The following SPAG16 variants were observed in gnomAD, a reference collection of about 807,000 sequenced individuals.
The protein encoded by SPAG16 is sperm associated antigen 16.
Under a neutral mutation model 80.4 loss-of-function variants are expected in SPAG16, and 86 were observed. That is an observed-to-expected ratio of 1.07 (90% CI 0.90 to 1.28). SPAG16 has a LOEUF of 1.28. SPAG16 is among the 50% of genes most tolerant of loss of function. The pLI, the probability that SPAG16 is intolerant of heterozygous loss-of-function variation, is 0.00. For missense variants in SPAG16, 870 were observed against 765.3 expected (o/e 1.14, Z -1.61); for synonymous variants, 294 against 265.9 (o/e 1.11, Z -1.03).
At chr2:214,197,796 A>T (rs572130971) in intron 15 of SPAG16, among the ~76,000 whole-genome samples, 14 of 151,982 alleles carry the variant, frequency 9.2e-5, no homozygotes, top group Middle Eastern at 3.4e-3. Context: ...TGTGTTTTTT[A>T]TATGTGTTTT....
At chr2:213,517,104 T>C (rs2125834119) in intron 10 of SPAG16, among the ~76,000 whole-genome samples, 1 of 152,254 alleles carries the variant, frequency 6.6e-6, no homozygotes, top group South Asian at 2.1e-4. Flanking sequence ...GATAAGTAAT[T>C]TTAGGAAGAT....
At chr2:213,719,681 G>A (rs1204106284) in intron 10 of SPAG16, among the ~76,000 whole-genome samples, 1 of 152,138 alleles carries the variant, frequency 6.6e-6, no homozygotes, top group East Asian at 1.9e-4. Flanking sequence ...AAAAAGTCAG[G>A]AAACAACAGA....
intron 9 of SPAG16, among the ~76,000 whole-genome samples, chr2:213,401,949 C>A (rs1419070102): frequency 6.6e-6 from 1 of 151,920 alleles, no homozygotes; most frequent in Non-Finnish European, 1.5e-5. Flanking sequence ...AAACTTCAAA[C>A]GTTTTAAATA....
At chr2:213,857,096 G>C (rs1433570856) in intron 10 of SPAG16, among the ~76,000 whole-genome samples, 1 of 152,112 alleles carries the variant, frequency 6.6e-6, no homozygotes, top group Non-Finnish European at 1.5e-5. Context: ...CAGGCATGGT[G>C]GCGGGCGCCT....
intron 15 of SPAG16, among the ~76,000 whole-genome samples, chr2:214,338,846 G>A (rs1343048637): frequency 1.3e-5 from 2 of 152,204 alleles, no homozygotes; most frequent in Non-Finnish European, 2.9e-5. Context: ...CAGAATAGTT[G>A]CGATTTTTGT....
intron 10 of SPAG16, among the ~76,000 whole-genome samples, chr2:213,763,355 A>C (rs1321068159): frequency 6.6e-6 from 1 of 152,314 alleles, no homozygotes; most frequent in Non-Finnish European, 1.5e-5. Flanking sequence ...TATTATTTAT[A>C]ATAGCTAAAA....
At chr2:214,197,963 C>T (rs986844073) in intron 15 of SPAG16, among the ~76,000 whole-genome samples, 7 of 151,860 alleles carry the variant, frequency 4.6e-5, no homozygotes, top group South Asian at 2.1e-4. Context: ...TTTACCTGGC[C>T]ATTGGGTGAA....
chr2:213,416,744 C>T (rs904545674), intron 9 of SPAG16, among the ~76,000 whole-genome samples: 3 of 152,026 alleles, frequency 2.0e-5, no homozygotes, highest in African/African-American at 7.3e-5. Context: ...GATCCAGCCA[C>T]AAGAGGAGAC....
chr2:213,551,335 G>A (rs953914284), intron 10 of SPAG16, among the ~76,000 whole-genome samples: 5 of 152,182 alleles, frequency 3.3e-5, no homozygotes, highest in African/African-American at 1.2e-4. Flanking sequence ...ACTGGCATTA[G>A]GGGGCATTTC....
chr2:213,541,018 G>A (rs1316052528), intron 10 of SPAG16, among the ~76,000 whole-genome samples: 1 of 152,208 alleles, frequency 6.6e-6, no homozygotes, highest in Non-Finnish European at 1.5e-5. Context: ...AAGACTAGAG[G>A]GGCTTTCCTC....
At chr2:213,445,967 A>ATGTG (rs1036299126) in intron 9 of SPAG16, among the ~76,000 whole-genome samples, 2 of 152,236 alleles carry the variant, frequency 1.3e-5, no homozygotes, top group African/African-American at 4.8e-5. Flanking sequence ...TAGAACACAC[A>ATGTG]GCCCAGGAGT....
At chr2:213,485,802 T>C (rs1378015901) in intron 9 of SPAG16, among the ~76,000 whole-genome samples, 1 of 152,078 alleles carries the variant, frequency 6.6e-6, no homozygotes, top group Admixed American at 6.6e-5. Context: ...AGACCTCTGT[T>C]GAGTGGCACA....
At chr2:214,166,436 C>G (rs1033488717) in intron 15 of SPAG16, among the ~76,000 whole-genome samples, 1 of 152,156 alleles carries the variant, frequency 6.6e-6, no homozygotes, top group Non-Finnish European at 1.5e-5. Flanking sequence ...GGTGCACTTG[C>G]ACAGTGGCTG....
chr2:213,625,017 C>T (rs2061913437), intron 10 of SPAG16, among the ~76,000 whole-genome samples: 1 of 152,136 alleles, frequency 6.6e-6, no homozygotes, highest in Non-Finnish European at 1.5e-5. Flanking sequence ...TCTCAAACTC[C>T]TGACCCCTCA....
intron 12 of SPAG16, among the ~76,000 whole-genome samples, chr2:213,989,609 A>G (rs187173096): frequency 6.6e-6 from 1 of 152,248 alleles, no homozygotes; most frequent in Non-Finnish European, 1.5e-5. Flanking sequence ...CTGAACCACT[A>G]TATTTACGTA....
chr2:213,675,346 T>C (rs1415459160), intron 10 of SPAG16, among the ~76,000 whole-genome samples: 1 of 152,200 alleles, frequency 6.6e-6, no homozygotes, highest in African/African-American at 2.4e-5. Flanking sequence ...GCCTGTTCAC[T>C]CTGATGGTAG....
Position 213,297,323 on chromosome 2 carries a change from TG to T in SPAG16, c.247del (p.Ala83ProfsTer26). 1 of 1,612,968 alleles carries T rather than the reference TG, an allele frequency of 6.2e-7. No homozygotes were observed. The highest frequency in any genetic ancestry group is 8.5e-7 in the Non-Finnish European group (1 of 1,179,214). ...GEEDLAKAIQ[M>X]AQEQATDTEI... is the part of the protein sequence containing the mutation. ...GAAGATCTGGCAAAAGCAATTCAGATGGCCCAAGAACAGGCTACAGATACTG... is the reference window on the plus strand; with the variant it reads ...GAAGATCTGGCAAAAGCAATTCAGATGCCCAAGAACAGGCTACAGATACTG... On this transcript the variant is annotated frameshift_variant, in exon 3 of 16. Transcript: ENST00000331683. LOFTEE classifies it high-confidence loss of function.
intron 15 of SPAG16, among the ~76,000 whole-genome samples, chr2:214,375,301 A>T: frequency 6.6e-6 from 1 of 152,184 alleles, no homozygotes; most frequent in African/African-American, 2.4e-5. Context: ...TGGAAGTTGA[A>T]GTGTCTCTAA....
chr2:214,030,524 T>G (rs547249492), intron 13 of SPAG16, among the ~76,000 whole-genome samples: 1 of 152,194 alleles, frequency 6.6e-6, no homozygotes, highest in East Asian at 1.9e-4. Context: ...GTATATGGTA[T>G]AAAGAGGTCC....
Sources: allele counts gnomAD v4.1 joint callset (sites outside exome capture counted in the v4.1 genomes callset), GRCh38; gene constraint gnomAD v4.1.1; transcripts MANE v1.5; gene names NCBI Gene and HGNC (gene_info 2026-07-23, HGNC 2026-07-21).